The following OGA variants were observed in gnomAD, a reference collection of about 807,000 sequenced individuals.
OGA encodes the protein O-GlcNAcase, also known as protein O-GlcNAcase.
In OGA, 21 loss-of-function variants were observed where a neutral mutation model predicts 102.0. The observed-to-expected ratio is 0.21, with a 90% CI of 0.15 to 0.30. The LOEUF (loss-of-function observed/expected upper bound fraction) is 0.30. OGA is among the 10% of genes least tolerant of loss of function. The pLI, the probability that OGA is intolerant of heterozygous loss-of-function variation, is 1.00. For missense variants in OGA, 765 were observed against 1,107.8 expected (o/e 0.69, Z 4.39); for synonymous variants, 408 against 378.2 (o/e 1.08, Z -0.91).
chr10:101,793,654 C>T (rs374356268), intron 11 of OGA: 2 of 320,654 alleles, frequency 6.2e-6, no homozygotes, highest in East Asian at 6.5e-5. Flanking sequence ...AAATGCTGTG[C>T]GACCTGCAAA....
intron 1 of OGA, 39 bp from the exon 2 acceptor site, chr10:101,813,645 A>C (rs773254699): frequency 7.7e-7 from 1 of 1,305,684 alleles, no homozygotes; most frequent in South Asian, 1.3e-5. Context: ...TTCAGTTTTA[A>C]AATGTGGTAA....
At chr10:101,791,225 T>C in intron 13 of OGA, 129 bp downstream of exon 13, 1 of 1,202,582 alleles carries the variant, frequency 8.3e-7, no homozygotes, top group Non-Finnish European at 1.2e-6. Context: ...AATGCACACA[T>C]ATTCAGATTT....
chr10:101,810,515 A>G (rs2065540725), intron 3 of OGA, among the ~76,000 whole-genome samples: 1 of 152,264 alleles, frequency 6.6e-6, no homozygotes, highest in South Asian at 2.1e-4. Context: ...ACAGTAAGGG[A>G]AAAAGAATAG....
chr10:101,804,654 A>T (rs919207716), intron 6 of OGA, among the ~76,000 whole-genome samples: 1 of 151,742 alleles, frequency 6.6e-6, no homozygotes, highest in South Asian at 2.1e-4. Flanking sequence ...GCAATGGAGT[A>T]ATCATGGCTC....
intron 9 of OGA, 64 bp downstream of exon 9, chr10:101,798,778 T>C (rs2065352351): frequency 6.5e-7 from 1 of 1,530,258 alleles, no homozygotes; most frequent in Non-Finnish European, 8.8e-7. Flanking sequence ...TTAAGAACCT[T>C]TTCCACATTA....
rs768747445 is a variant in OGA, at chr10:101,785,763, CAGGTT to C, written c.*683_*687del. 27 of 152,586 alleles carry C rather than the reference CAGGTT, an allele frequency of 1.8e-4. No homozygotes were observed. Among genetic ancestry groups the C allele is most frequent in the Non-Finnish European group, 2.5e-4 (17 of 68,030 alleles). 9.5% of individuals were successfully genotyped at this position (152,586 alleles called of 1,614,324 possible). A position where few individuals can be genotyped will look rare whatever the true frequency, so the allele number is the denominator to read the frequency against. ...AAAAACAGTAAACACAAAGGATAGT[CAGGTT>C]ACAGCTAGTTTATATACAAAGAAAT... On this transcript the variant is annotated 3_prime_UTR_variant, in exon 16 of 16. Coordinates refer to ENST00000361464, the MANE Select transcript of OGA (RefSeq NM_012215.5).
intron 5 of OGA, among the ~76,000 whole-genome samples, chr10:101,807,494 T>C (rs2065491690): frequency 6.6e-6 from 1 of 152,216 alleles, no homozygotes; most frequent in South Asian, 2.1e-4. Context: ...GACAATGTAA[T>C]GTTCATATAC....
chr10:101,803,015 C>G (rs1401128131), intron 7 of OGA, among the ~76,000 whole-genome samples: 2 of 146,942 alleles, frequency 1.4e-5, no homozygotes, highest in African/African-American at 5.0e-5. Context: ...GCCGGGTGTG[C>G]CTGCAATCCC....
intron 10 of OGA, among the ~76,000 whole-genome samples, chr10:101,796,498 G>C (rs1422536078): frequency 6.6e-6 from 1 of 151,964 alleles, no homozygotes; most frequent in African/African-American, 2.4e-5. Context: ...CTGACCTTGT[G>C]GTCTGCCCGC....
At chr10:101,798,737 G>A (rs1326969834) in intron 9 of OGA, 105 bp downstream of exon 9, 1 of 1,366,576 alleles carries the variant, frequency 7.3e-7, no homozygotes, top group Non-Finnish European at 9.9e-7. Flanking sequence ...CTAAAACATG[G>A]TCAATTTTCT....
At chr10:101,790,771 G>A in intron 14 of OGA, 125 bp downstream of exon 14, 1 of 648,320 alleles carries the variant, frequency 1.5e-6, no homozygotes. Flanking sequence ...AATTAATTTA[G>A]AAAGCACTAA....
chr10:101,787,316 T>C lies in OGA; in HGVS notation c.2614+48A>G, dbSNP rs755837799. 7.3e-6 allele frequency: 11 copies of C among 1,512,176 alleles called. No homozygotes were observed. In the East Asian group the frequency reaches 2.5e-4, roughly 35 times the overall value. The allele number at this position is 1,512,176 out of a possible 1,614,324, so 93.7% of individuals were successfully genotyped here. On this transcript the variant is annotated intron_variant, in intron 15 of 15. Coordinates refer to ENST00000361464, the MANE Select transcript of OGA (RefSeq NM_012215.5). ...TTTTATATCCAAAAATATATAGTTC[T>C]TTCCCTATCTTGCCCAAATACCACC...
chr10:101,800,369 C>T lies in OGA; in HGVS notation c.1068G>A (p.Gln356=), dbSNP rs1243877426. 1.2e-6 allele frequency: 2 copies of T among 1,613,432 alleles called. No homozygotes were observed. ...TDSEDSTVSI[Q]IKLENEGSDE... ...CACTGCCTTCATTTTCTAATTTTAT[C>T]TGGATGGACACAGTACTATCTTCAC... is the stretch of plus-strand genomic sequence containing the variant. The change falls in exon 8 of 16, where the codon CAG becomes CAA. Residue 356 remains glutamine (Q), a synonymous_variant. Coordinates refer to ENST00000361464, the MANE Select transcript of OGA (RefSeq NM_012215.5).
chr10:101,815,995 G>T (rs1589843727), intron 1 of OGA, among the ~76,000 whole-genome samples: 1 of 126,762 alleles, frequency 7.9e-6, no homozygotes, highest in African/African-American at 3.0e-5. Context: ...AAAAAAGCCA[G>T]GCGCGGTAGT....
chr10:101,817,697 T>C, intron 1 of OGA, 127 bp downstream of exon 1: 1 of 1,082,790 alleles, frequency 9.2e-7, no homozygotes, highest in Non-Finnish European at 1.3e-6. Flanking sequence ...CCCCTCGCTT[T>C]AGGAGGGCCA....
intron 12 of OGA, among the ~76,000 whole-genome samples, chr10:101,791,971 C>A (rs965273432): frequency 1.3e-5 from 2 of 152,056 alleles, no homozygotes; most frequent in African/African-American, 4.8e-5. Flanking sequence ...GGATTACAGG[C>A]ACCCGCCACC....
Position 101,804,149 on chromosome 10 carries a change from G to C in OGA, c.752-130C>G, listed in dbSNP as rs913452984. On this transcript the variant is annotated intron_variant, in intron 6 of 15. Coordinates refer to ENST00000361464, the MANE Select transcript of OGA (RefSeq NM_012215.5). Reference sequence around the variant, plus strand: ...CATTTGAGCCCAGGAGTTCGGACCAGCCTGGGCAACACAGCGAGACCCTAT... The same window carrying C: ...CATTTGAGCCCAGGAGTTCGGACCACCCTGGGCAACACAGCGAGACCCTAT... 6 of 647,574 alleles carry C rather than the reference G, an allele frequency of 9.3e-6. No homozygotes were observed. In the African/African-American group the frequency reaches 1.1e-4, roughly 12 times the overall value. 40.1% of individuals were successfully genotyped at this position (647,574 alleles called of 1,614,324 possible). A position where few individuals can be genotyped will look rare whatever the true frequency, so the allele number is the denominator to read the frequency against.
At chr10:101,814,999 G>C (rs1031998541) in intron 1 of OGA, among the ~76,000 whole-genome samples, 1 of 152,178 alleles carries the variant, frequency 6.6e-6, no homozygotes, top group Non-Finnish European at 1.5e-5. Flanking sequence ...CTAATCATCA[G>C]TAAGAGATAA....
chr10:101,800,915 C>CAG (rs2065383195), intron 7 of OGA, among the ~76,000 whole-genome samples: 1 of 151,904 alleles, frequency 6.6e-6, no homozygotes. Context: ...GCTGGGACTA[C>CAG]AGGCGCATGC....
Sources: allele counts gnomAD v4.1 joint callset (sites outside exome capture counted in the v4.1 genomes callset), GRCh38; gene constraint gnomAD v4.1.1; transcripts MANE v1.5; gene names NCBI Gene and HGNC (gene_info 2026-07-23, HGNC 2026-07-21).